GPHN: variants seen among roughly 807,000 people sequenced by gnomAD.
GPHN encodes the protein gephyrin.
In GPHN, 17 loss-of-function variants were observed where a neutral mutation model predicts 95.5. The ratio of observed to expected loss-of-function variants is 0.18; its 90% CI spans 0.12 to 0.27. The LOEUF is 0.27. Ranked by LOEUF, GPHN falls within the 10% of genes least tolerant of loss-of-function variation. The probability of loss-of-function intolerance (pLI) is 1.00; values close to 1 mark genes in which losing one functional copy is unlikely to be tolerated. For synonymous variants in GPHN, 320 were observed against 322.5 expected (o/e 0.99, Z 0.08); for missense variants, 660 against 978.1 (o/e 0.67, Z 4.34).
chr14:66,934,522 G>T (rs969405466), intron 8 of GPHN, among the ~76,000 whole-genome samples: 1 of 152,144 alleles, frequency 6.6e-6, no homozygotes, highest in Admixed American at 6.5e-5. Context: ...CCTAGCCACA[G>T]TCATTAGTTA....
the GPHN span, among the ~76,000 whole-genome samples, chr14:67,449,164 G>T: frequency 6.6e-6 from 1 of 152,170 alleles, no homozygotes; most frequent in South Asian, 2.1e-4. Flanking sequence ...TTTTTGGACT[G>T]CTTGTTCTAT....
chr14:66,915,961 TCATAG>T (rs762497613), intron 5 of GPHN, 37 bp from the exon 6 acceptor site: 1 of 1,041,904 alleles, frequency 9.6e-7, no homozygotes, highest in South Asian at 1.3e-5. Flanking sequence ...AACCGGGCAT[TCATAG>T]CAATTTAGTG....
the GPHN span, chr14:67,594,017 A>C: frequency 1.9e-6 from 2 of 1,047,228 alleles, no homozygotes. Context: ...CCAGGCAATG[A>C]GGGGAACATG....
At chr14:67,354,773 T>C in the GPHN span, among the ~76,000 whole-genome samples, 14 of 152,264 alleles carry the variant, frequency 9.2e-5, no homozygotes, top group Admixed American at 2.0e-4. Flanking sequence ...ATGAAAAATA[T>C]GGATTTACTT....
intron 9 of GPHN, among the ~76,000 whole-genome samples, chr14:67,004,801 A>G (rs2072488460): frequency 6.6e-6 from 1 of 151,738 alleles, no homozygotes. Context: ...TTTCTCTATC[A>G]GAGATGGTGT....
intron 21 of GPHN, 24 bp downstream of exon 21, chr14:67,169,060 A>G (rs368951901): frequency 2.2e-6 from 3 of 1,368,376 alleles, no homozygotes; most frequent in African/African-American, 2.9e-5. Flanking sequence ...ATGACCAGAA[A>G]CCAAAATGGA....
the GPHN span, among the ~76,000 whole-genome samples, chr14:67,676,355 T>C: frequency 6.6e-6 from 1 of 152,144 alleles, no homozygotes; most frequent in African/African-American, 2.4e-5. Context: ...AGTCTGAGGA[T>C]AGTCAGTATA....
the GPHN span, among the ~76,000 whole-genome samples, chr14:67,326,046 C>T: frequency 7.4e-5 from 10 of 135,414 alleles, no homozygotes; most frequent in South Asian, 7.1e-4. Context: ...AGGATGGTCT[C>T]GATCTCGTGA....
At chr14:67,618,051 C>G in the GPHN span, among the ~76,000 whole-genome samples, 6 of 152,008 alleles carry the variant, frequency 3.9e-5, no homozygotes, top group East Asian at 6.1e-4. Flanking sequence ...GCACAGGAAG[C>G]CCTGAGGCAA....
At chr14:67,542,872 G>A in the GPHN span, among the ~76,000 whole-genome samples, 1 of 151,912 alleles carries the variant, frequency 6.6e-6, no homozygotes, top group African/African-American at 2.4e-5. Context: ...GGCTAATTTT[G>A]TGTTATTAGT....
rs542331215 is a variant in GPHN, at chr14:67,071,115, CAGCCATCCCATTACTG to C, written c.1144+12330_1144+12345del. Among the ~76,000 whole-genome samples, 451 of 152,212 alleles carry C rather than the reference CAGCCATCCCATTACTG, an allele frequency of 3.0e-3. 5 individuals are homozygous for C. The highest frequency in any genetic ancestry group is 3.3e-3 in the Non-Finnish European group (225 of 68,022). On this transcript the variant is annotated intron_variant, in intron 11 of 22. Transcript: ENST00000478722. The stretch of plus-strand genomic sequence containing the variant: ...CTAGAACTAGAAATACCATTTGACC[CAGCCATCCCATTACTG>C]GGCATATACCCAAAGGATTATAAAT...
At chr14:67,686,640 A>C in the GPHN span, among the ~76,000 whole-genome samples, 2 of 2,300 alleles carry the variant, frequency 8.7e-4, no homozygotes, top group Non-Finnish European at 7.7e-3. Flanking sequence ...CACCGGTGCA[A>C]AAAAAAAAAA....
intron 12 of GPHN, among the ~76,000 whole-genome samples, chr14:67,092,465 C>A (rs2077185687): frequency 6.6e-6 from 1 of 152,006 alleles, no homozygotes; most frequent in Non-Finnish European, 1.5e-5. Context: ...CAGTAATAAC[C>A]AGTGGCACTC....
chr14:67,198,165 A>G, the GPHN span: 1 of 1,542,844 alleles, frequency 6.5e-7, no homozygotes, highest in Non-Finnish European at 8.6e-7. Flanking sequence ...AAGCGCAATG[A>G]AGAAGAACAC....
intron 8 of GPHN, among the ~76,000 whole-genome samples, chr14:66,940,430 T>C (rs1379811622): frequency 4.6e-5 from 7 of 152,250 alleles, no homozygotes; most frequent in South Asian, 4.1e-4. Context: ...TCCTCTTTCT[T>C]TCCTCCATCC....
rs144822954 is a variant in GPHN at position 67,083,616 on chromosome 14, G to C, written c.1145-5367G>C. 4.0e-3 allele frequency among the ~76,000 whole-genome samples: 614 copies of C among 152,282 alleles called. 3 individuals carry two copies. Among genetic ancestry groups the C allele is most frequent in the African/African-American group, 0.014 (576 of 41,556 alleles). ...TGATATATTACAAATTGAATATATA[G>C]TTGACAAAAAATATATACATGAGTA... On this transcript the variant is annotated intron_variant, in intron 11 of 22. Transcript: ENST00000478722.
At chr14:66,660,283 G>A (rs977546602) in intron 1 of GPHN, among the ~76,000 whole-genome samples, 21 of 152,032 alleles carry the variant, frequency 1.4e-4, no homozygotes, top group African/African-American at 4.8e-4. Context: ...GAAATATTTT[G>A]TACATACATA....
intron 1 of GPHN, among the ~76,000 whole-genome samples, chr14:66,614,850 C>CT (rs1430618308): frequency 6.6e-6 from 1 of 151,890 alleles, no homozygotes; most frequent in African/African-American, 2.4e-5. Context: ...GACCCATCCT[C>CT]TAAGTTCCTT....
At chr14:67,439,900 G>A in the GPHN span, among the ~76,000 whole-genome samples, 3,949 of 152,160 alleles carry the variant, frequency 0.026, 74 homozygotes, top group Non-Finnish European at 0.037. Context: ...GTGCAGTGGC[G>A]TGATCTCGGC....
Sources: gnomAD v4.1 joint callset for allele counts (sites outside exome capture counted in the v4.1 genomes callset) on GRCh38, gnomAD v4.1.1 for gene constraint, MANE v1.5 for transcripts, NCBI Gene and HGNC (gene_info 2026-07-23, HGNC 2026-07-21) for gene names.